The following SYNM variants were observed in gnomAD, a reference collection of about 807,000 sequenced individuals.
The protein encoded by SYNM is synemin.
SYNM carries 95 observed loss-of-function variants against 104.0 expected under a neutral mutation model. The observed-to-expected ratio is 0.91, with a 90% CI of 0.77 to 1.08. The LOEUF (loss-of-function observed/expected upper bound fraction) is 1.08, where lower values mean the gene tolerates loss of function less well. SYNM is among the 50% of genes least tolerant of loss of function. The pLI is 0.00. For synonymous variants in SYNM, 918 were observed against 869.0 expected (o/e 1.06, Z -0.99); for missense variants, 2,150 against 2,052.2 (o/e 1.05, Z -0.92).
Position 99,106,032 on chromosome 15 carries a change from C to A in SYNM, c.810+23C>A, listed in dbSNP as rs112411167. On this transcript the variant is annotated intron_variant, in intron 1 of 3. Transcript: ENST00000336292. ...CAGGTCCGTGCGCGGGGATGGCGCG[C>A]TGACCCCATACCCGCTGCCGTCGCC... The A allele has an allele frequency of 7.5e-4, 1,077 of 1,430,970 alleles. 13 individuals are homozygous for A. In the African/African-American group the frequency reaches 0.014, roughly 19 times the overall value. 88.6% of individuals were successfully genotyped at this position (1,430,970 alleles called of 1,614,324 possible).
Position 99,129,822 on chromosome 15 carries a change from C to T in SYNM, c.1462C>T (p.Arg488Trp), listed in dbSNP as rs78843334. 2,072 of 1,613,322 alleles carry T rather than the reference C, an allele frequency of 1.3e-3. 31 individuals are homozygous for T. In the African/African-American group the frequency reaches 0.025, roughly 19 times the overall value. Residue 488 changes from arginine to tryptophan, a missense_variant, in exon 4 of 4, where the codon CGG becomes TGG. By Grantham distance (101) the Arg-to-Trp change is moderately radical. Coordinates refer to ENST00000336292, the MANE Select transcript of SYNM (RefSeq NM_145728.3). ...KVAAGASEST[R>W]SNERTVILGK... The stretch of plus-strand genomic sequence containing the variant: ...GGCAGCAGGTGCTTCGGAAAGCACA[C>T]GGTCAAATGAGAGGACCGTCATTCT...
At position 99,130,330 on chromosome 15, in the gene SYNM, A is replaced by C; in HGVS notation, c.1970A>C (p.Glu657Ala). ...LKQFTQSPETEASADSFPDTK... is the reference protein window; with the variant it reads ...LKQFTQSPETAASADSFPDTK... Reference sequence around the variant, plus strand: ...CAGTTCACTCAGTCTCCAGAGACAGAAGCATCTGCTGATTCTTTTCCAGAC... The same window carrying C: ...CAGTTCACTCAGTCTCCAGAGACAGCAGCATCTGCTGATTCTTTTCCAGAC... The change falls in exon 4 of 4, where the codon GAA (glutamate) becomes GCA (alanine). Residue 657 changes from glutamate to alanine, a missense_variant. Transcript: ENST00000336292. The C allele has an allele frequency of 6.2e-7, 1 of 1,613,858 alleles. No homozygotes were observed. The highest frequency in any genetic ancestry group is 8.5e-7 in the Non-Finnish European group (1 of 1,179,810).
At chr15:99,123,301 T>TG (rs1344503112) in intron 2 of SYNM, among the ~76,000 whole-genome samples, 5 of 74,362 alleles carry the variant, frequency 6.7e-5, no homozygotes, top group South Asian at 4.3e-4. Flanking sequence ...GTTGATTATC[T>TG]GGTTTTTTTT....
chr15:99,106,092 C>G, intron 1 of SYNM, 83 bp downstream of exon 1: 10 of 1,317,210 alleles, frequency 7.6e-6, no homozygotes, highest in Non-Finnish European at 9.7e-6. Flanking sequence ...GGGGCAGCGG[C>G]CCCTTCACCA....
intron 1 of SYNM, among the ~76,000 whole-genome samples, chr15:99,112,203 C>T (rs1435346299): frequency 5.9e-5 from 9 of 152,204 alleles, no homozygotes; most frequent in Non-Finnish European, 1.0e-4. Flanking sequence ...TATTCCCTCT[C>T]CCAGTAGTCT....
At chr15:99,123,070 A>G (rs1353069581) in intron 2 of SYNM, among the ~76,000 whole-genome samples, 1 of 152,212 alleles carries the variant, frequency 6.6e-6, no homozygotes, top group African/African-American at 2.4e-5. Flanking sequence ...TGTGACAGCC[A>G]TGGTTCTGAG....
At position 99,132,722 on chromosome 15, in the gene SYNM, G is replaced by A. The variant is rs782644944; in HGVS notation, c.4362G>A (p.Gly1454=). Residue 1454 remains glycine (G), a synonymous_variant, in exon 4 of 4, where the codon GGG becomes GGA. Transcript: ENST00000336292. ...GAACGCTAAGGCACATTGCACCAGG[G>A]CCCAAAGAAACTTCGTTTACCTTTC... ...SSRTLRHIAP[G]PKETSFTFQM... is the part of the protein sequence containing the mutation. The A allele has an allele frequency of 2.5e-6, 4 of 1,613,992 alleles. No homozygotes were observed. The highest frequency in any genetic ancestry group is 2.2e-5 in the South Asian group (2 of 91,082).
At chr15:99,113,176 ATTCTGAGTGAC>A in intron 1 of SYNM, among the ~76,000 whole-genome samples, 1 of 152,300 alleles carries the variant, frequency 6.6e-6, no homozygotes, top group East Asian at 1.9e-4. Context: ...TTTCAGTTCA[ATTCTGAGTGAC>A]TTATGTTTTG....
In SYNM at chr15:99,133,176, T is replaced by TA; in HGVS notation, c.*121dup. 9 of 1,495,106 alleles carry TA rather than the reference T, an allele frequency of 6.0e-6. No individual in the cohort carries two copies. The highest frequency in any genetic ancestry group is 8.0e-6 in the Non-Finnish European group (9 of 1,129,684). 92.6% of individuals were successfully genotyped at this position (1,495,106 alleles called of 1,614,324 possible). ...GAAAATCTCCCCTTTTTTACTTTTT[T>TA]AAAGAGTACTCCCGGCATGGTCAAT... On this transcript the variant is annotated 3_prime_UTR_variant, in exon 4 of 4. Coordinates refer to ENST00000336292, the MANE Select transcript of SYNM (RefSeq NM_145728.3).
At chr15:99,107,094 G>A (rs1670258) in intron 1 of SYNM, among the ~76,000 whole-genome samples, 2,113 of 152,316 alleles carry the variant, frequency 0.014, 47 homozygotes, top group African/African-American at 0.048. Context: ...TATGCAAAGA[G>A]CTACAGGCTA....
At position 99,123,039 on chromosome 15, in the gene SYNM, A is replaced by T. The variant is rs548723419; in HGVS notation, c.936-3683A>T. ...GGAGGTGGGGACGACGTGATCGCTG[A>T]TGTTTAGTGAGCTCTTACTCTGTGA... On this transcript the variant is annotated intron_variant, in intron 2 of 3. Transcript: ENST00000336292. Among the ~76,000 whole-genome samples the T allele has an allele frequency of 3.3e-5, 5 of 152,282 alleles. 1 individual carries two copies. Among genetic ancestry groups the T allele is most frequent in the African/African-American group, 1.2e-4 (5 of 41,542 alleles).
At position 99,132,331 on chromosome 15, in the gene SYNM, T is replaced by C. The variant is rs1555486100; in HGVS notation, c.3971T>C (p.Ile1324Thr). 1.2e-6 allele frequency: 2 copies of C among 1,613,084 alleles called. No individual in the cohort carries two copies. Among genetic ancestry groups the C allele is most frequent in the South Asian group, 2.2e-5 (2 of 91,074 alleles). ...CAGAGGCATCAGACCACCCAGCAGA[T>C]AGTTTACCATGGGCTGGTTCCCCAA... ...GPQRHQTTQQ[I>T]VYHGLVPQLG... The change falls in exon 4 of 4, where the codon ATA (isoleucine) becomes ACA (threonine). Residue 1324 changes from isoleucine (I) to threonine (T), a missense_variant. Ile to Thr is a moderately conservative substitution (Grantham distance 89). Coordinates refer to ENST00000336292, the MANE Select transcript of SYNM (RefSeq NM_145728.3).
intron 1 of SYNM, among the ~76,000 whole-genome samples, chr15:99,110,244 A>T (rs1184276962): frequency 1.3e-5 from 2 of 152,214 alleles, no homozygotes; most frequent in Non-Finnish European, 1.5e-5. Flanking sequence ...CGCAGCCATG[A>T]AGAACTGCGC....
At chr15:99,118,615 G>A (rs1363720007) in intron 2 of SYNM, among the ~76,000 whole-genome samples, 2 of 152,138 alleles carry the variant, frequency 1.3e-5, no homozygotes, top group Non-Finnish European at 1.5e-5. Context: ...TCACAGGGAA[G>A]GAGCAACATT....
chr15:99,115,477 T>TTC (rs2067339932), intron 2 of SYNM, among the ~76,000 whole-genome samples: 1 of 149,640 alleles, frequency 6.7e-6, no homozygotes, highest in African/African-American at 2.5e-5. Flanking sequence ...CTATTTTTTT[T>TTC]TTTTTGAGAT....
chr15:99,114,050 G>T (rs1555483672), intron 2 of SYNM, among the ~76,000 whole-genome samples: 1 of 152,174 alleles, frequency 6.6e-6, no homozygotes, highest in African/African-American at 2.4e-5. Context: ...CAGATGAACA[G>T]ACTTTGCTCA....
At chr15:99,113,808 A>G in intron 2 of SYNM, 93 bp downstream of exon 2, 3 of 1,517,678 alleles carry the variant, frequency 2.0e-6, no homozygotes, top group Non-Finnish European at 2.7e-6. Flanking sequence ...GCCTTTGTGG[A>G]GTCACTGTGG....
intron 2 of SYNM, among the ~76,000 whole-genome samples, chr15:99,120,255 G>A (rs1317339914): frequency 1.3e-5 from 2 of 152,222 alleles, no homozygotes; most frequent in Non-Finnish European, 2.9e-5. Flanking sequence ...TGTGGACCTA[G>A]TCCCTGTCCT....
intron 2 of SYNM, among the ~76,000 whole-genome samples, chr15:99,120,193 A>C (rs2067387157): frequency 6.6e-6 from 1 of 152,168 alleles, no homozygotes. Context: ...TGCCCTGTTG[A>C]ACGTGGAATT....
Sources: allele counts gnomAD v4.1 joint callset (sites outside exome capture counted in the v4.1 genomes callset), GRCh38; gene constraint gnomAD v4.1.1; transcripts MANE v1.5; gene names NCBI Gene and HGNC (gene_info 2026-07-23, HGNC 2026-07-21).